Variants in THSD7B observed in about 807,000 individuals in gnomAD.
The protein encoded by THSD7B is thrombospondin type-1 domain-containing protein 7B.
A neutral mutation model predicts 213.6 loss-of-function variants in THSD7B; 138 were observed. The ratio of observed to expected loss-of-function variants is 0.65; its 90% confidence interval spans 0.56 to 0.74. The LOEUF (loss-of-function observed/expected upper bound fraction) is 0.74, where lower values mean the gene tolerates loss of function less well. Ranked by LOEUF, THSD7B falls within the 30% of genes least tolerant of loss-of-function variation. THSD7B has a pLI of 0.00. For missense variants in THSD7B, 1,931 were observed against 1,991.5 expected (o/e 0.97, Z 0.58); for synonymous variants, 742 against 687.0 (o/e 1.08, Z -1.25).
chr2:137,397,469 C>T (rs1281993514), intron 12 of THSD7B, among the ~76,000 whole-genome samples: 2 of 151,898 alleles, frequency 1.3e-5, no homozygotes, highest in Admixed American at 1.3e-4. Context: ...AAATTCTTTT[C>T]TTTAAGAATG....
chr2:137,219,749 A>T (rs1681325047), intron 7 of THSD7B, among the ~76,000 whole-genome samples: 1 of 152,316 alleles, frequency 6.6e-6, no homozygotes, highest in South Asian at 2.1e-4. Flanking sequence ...AAATTTATTG[A>T]GACCTACTAT....
At chr2:136,977,784 CT>C (rs1269897808) in intron 2 of THSD7B, among the ~76,000 whole-genome samples, 5 of 121,076 alleles carry the variant, frequency 4.1e-5, no homozygotes, top group East Asian at 2.5e-4. Flanking sequence ...GAATGAGTTT[CT>C]TTTTTTCTTT....
At chr2:137,165,371 T>C (rs768297076) in intron 6 of THSD7B, among the ~76,000 whole-genome samples, 6 of 152,238 alleles carry the variant, frequency 3.9e-5, no homozygotes, top group South Asian at 2.1e-4. Context: ...TTGGGAAGAA[T>C]GAAGAATAGA....
intron 3 of THSD7B, among the ~76,000 whole-genome samples, chr2:137,072,694 G>A (rs1471576654): frequency 6.6e-6 from 1 of 152,136 alleles, no homozygotes; most frequent in Non-Finnish European, 1.5e-5. Flanking sequence ...TTTTCAAAGG[G>A]AATGCTTCCA....
In THSD7B at chr2:137,592,443, T is replaced by TGGGTACATTAAAATACA. The variant is rs552597839; in HGVS notation, c.3423+19887_3423+19888insGGGTACATTAAAATACA. On this transcript the variant is annotated intron_variant, in intron 17 of 27. Transcript: ENST00000409968. ...CTTTTATGAATGTGGTACCCTTTAA[T>TGGGTACATTAAAATACA]TTCTGTATTTTAGCTATGGAATACT... 5.8e-3 allele frequency among the ~76,000 whole-genome samples: 886 copies of TGGGTACATTAAAATACA among 151,970 alleles called. 8 individuals carry two copies. Among genetic ancestry groups the TGGGTACATTAAAATACA allele is most frequent in the African/African-American group, 0.02 (843 of 41,544 alleles).
chr2:137,581,125 A>ATG (rs1188421751), intron 17 of THSD7B, among the ~76,000 whole-genome samples: 4 of 152,188 alleles, frequency 2.6e-5, no homozygotes, highest in African/African-American at 9.6e-5. Flanking sequence ...TTTTAAATGT[A>ATG]TGTATATATA....
At chr2:137,537,448 G>T (rs1680528465) in intron 15 of THSD7B, among the ~76,000 whole-genome samples, 1 of 151,634 alleles carries the variant, frequency 6.6e-6, no homozygotes, top group Non-Finnish European at 1.5e-5. Context: ...TTGAAATAGT[G>T]ATAGTTAATC....
At chr2:136,860,326 C>T (rs1013112691) in intron 1 of THSD7B, among the ~76,000 whole-genome samples, 3 of 152,134 alleles carry the variant, frequency 2.0e-5, no homozygotes, top group African/African-American at 7.2e-5. Context: ...CAATATCACA[C>T]TGTTTTTAGC....
intron 5 of THSD7B, among the ~76,000 whole-genome samples, chr2:137,123,789 A>G (rs1293036205): frequency 6.6e-6 from 1 of 151,536 alleles, no homozygotes; most frequent in African/African-American, 2.4e-5. Context: ...CCTCAGTCTC[A>G]TTTCTCTTCC....
chr2:136,967,933 A>G (rs1329639123), intron 2 of THSD7B, among the ~76,000 whole-genome samples: 1 of 152,202 alleles, frequency 6.6e-6, no homozygotes, highest in Non-Finnish European at 1.5e-5. Context: ...AGATTCATCC[A>G]TATAGTATCA....
intron 2 of THSD7B, among the ~76,000 whole-genome samples, chr2:136,929,389 T>A (rs1684593016): frequency 6.6e-6 from 1 of 152,222 alleles, no homozygotes; most frequent in South Asian, 2.1e-4. Flanking sequence ...TCTACATAAA[T>A]CAATCAATAG....
chr2:137,027,288 C>T (rs1686573643), intron 2 of THSD7B, among the ~76,000 whole-genome samples: 1 of 152,122 alleles, frequency 6.6e-6, no homozygotes, highest in Admixed American at 6.6e-5. Flanking sequence ...GAAGGTCTTT[C>T]TGGTTGGCGT....
At chr2:137,074,237 A>T (rs1186474284) in intron 3 of THSD7B, among the ~76,000 whole-genome samples, 3 of 151,908 alleles carry the variant, frequency 2.0e-5, no homozygotes, top group African/African-American at 7.3e-5. Flanking sequence ...TTTGTAGGTC[A>T]CTAAGGACTT....
chr2:137,645,888 T>A (rs1303936822), intron 21 of THSD7B, among the ~76,000 whole-genome samples: 3 of 152,148 alleles, frequency 2.0e-5, no homozygotes, highest in Non-Finnish European at 4.4e-5. Flanking sequence ...AGCCCTCCCT[T>A]CCCTGGAGTA....
chr2:137,046,240 T>A (rs976136962), intron 2 of THSD7B, among the ~76,000 whole-genome samples: 1 of 152,168 alleles, frequency 6.6e-6, no homozygotes, highest in Admixed American at 6.6e-5. Flanking sequence ...TCATGGAGTT[T>A]AGAGTCAACT....
intron 7 of THSD7B, among the ~76,000 whole-genome samples, chr2:137,215,999 A>G (rs993844666): frequency 2.6e-5 from 4 of 152,166 alleles, no homozygotes; most frequent in African/African-American, 7.2e-5. Flanking sequence ...TGGGTACTCA[A>G]TTGAATAAAA....
At chr2:136,886,187 C>T (rs1417492764) in intron 2 of THSD7B, among the ~76,000 whole-genome samples, 4 of 152,158 alleles carry the variant, frequency 2.6e-5, no homozygotes, top group Non-Finnish European at 5.9e-5. Flanking sequence ...GGTATGTCCT[C>T]ATAGGTCAGA....
chr2:137,238,534 CTTTTTTTTTTTTT>C lies in THSD7B; in HGVS notation c.2151-3905_2151-3893del, dbSNP rs869146863. On this transcript the variant is annotated intron_variant, in intron 9 of 27. Coordinates refer to ENST00000409968, the MANE Select transcript of THSD7B (RefSeq NM_001316349.2). ...TATCCTGATAATGACACTCATCTTT[CTTTTTTTTTTTTT>C]TTTTTTTTTTTTTTTTTGAGACGGA... is the stretch of plus-strand genomic sequence containing the variant. 3.4e-3 allele frequency among the ~76,000 whole-genome samples: 175 copies of C among 51,878 alleles called. 2 individuals are homozygous for C. The highest frequency in any genetic ancestry group is 9.8e-3 in the African/African-American group (138 of 14,012). 34.0% of individuals were successfully genotyped at this position (51,878 alleles called of 152,430 possible).
intron 4 of THSD7B, among the ~76,000 whole-genome samples, chr2:137,099,083 T>G (rs1688096469): frequency 6.6e-6 from 1 of 152,152 alleles, no homozygotes; most frequent in Non-Finnish European, 1.5e-5. Flanking sequence ...ACCTCTAGTG[T>G]GTCATTAAAC....
Sources: allele counts gnomAD v4.1 joint callset (sites outside exome capture counted in the v4.1 genomes callset), GRCh38; gene constraint gnomAD v4.1.1; transcripts MANE v1.5; gene names NCBI Gene and HGNC (gene_info 2026-07-23, HGNC 2026-07-21).